The following WWOX variants were observed in gnomAD, a reference collection of about 807,000 sequenced individuals.
WWOX encodes the protein WW domain containing oxidoreductase, also known as WW domain-containing oxidoreductase.
A neutral mutation model predicts 46.2 loss-of-function variants in WWOX; 69 were observed. The observed-to-expected ratio is 1.49, with a 90% CI of 1.23 to 1.82. WWOX has a LOEUF of 1.82. Among genes scored for constraint, WWOX ranks in the 40% most tolerant of loss-of-function variants. WWOX has a pLI of 0.00. For synonymous variants in WWOX, 359 were observed against 202.6 expected (o/e 1.77, Z -6.56); for missense variants, 919 against 542.6 (o/e 1.69, Z -6.89).
chr16:79,020,516 A>G (rs1359493061), intron 8 of WWOX, among the ~76,000 whole-genome samples: 3 of 152,226 alleles, frequency 2.0e-5, no homozygotes, highest in African/African-American at 7.2e-5. Context: ...TAATCCAACC[A>G]CAGTATGAAA....
intron 5 of WWOX, among the ~76,000 whole-genome samples, chr16:78,371,708 T>A (rs1031053571): frequency 6.6e-6 from 1 of 152,196 alleles, no homozygotes; most frequent in African/African-American, 2.4e-5. Flanking sequence ...TTTTTTATTT[T>A]TATTTTGCCT....
At chr16:78,144,464 C>CGTATATATATATAT (rs1567596338) in intron 4 of WWOX, among the ~76,000 whole-genome samples, 14 of 17,966 alleles carry the variant, frequency 7.8e-4, no homozygotes, top group African/African-American at 2.1e-3. Flanking sequence ...TATATATATA[C>CGTATATATATATAT]ACACATATAT....
chr16:78,533,650 T>C (rs1225430500), intron 8 of WWOX, among the ~76,000 whole-genome samples: 1 of 152,144 alleles, frequency 6.6e-6, no homozygotes, highest in East Asian at 1.9e-4. Context: ...TGTGATTATT[T>C]TGCTCTTTGA....
chr16:79,043,124 A>T (rs923656911), intron 8 of WWOX, among the ~76,000 whole-genome samples: 1 of 152,086 alleles, frequency 6.6e-6, no homozygotes, highest in Non-Finnish European at 1.5e-5. Context: ...GGCAGGTGAG[A>T]GGTGCTGACT....
In WWOX at chr16:79,129,802, A is replaced by G. The variant is rs369825181; in HGVS notation, c.1057-81806A>G. On this transcript the variant is annotated intron_variant, in intron 8 of 8. Coordinates refer to ENST00000566780, the MANE Select transcript of WWOX (RefSeq NM_016373.4). ...AAAGACAGTCACAGTCCATCCCTCA[A>G]AGAGCTCATGGACCAGTCGAAGGAG... Among the ~76,000 whole-genome samples, 10 of 152,258 alleles carry G rather than the reference A, an allele frequency of 6.6e-5. No homozygotes were observed. In the East Asian group the frequency reaches 1.2e-3, roughly 18 times the overall value.
intron 5 of WWOX, among the ~76,000 whole-genome samples, chr16:78,337,710 C>T (rs576550596): frequency 4.0e-5 from 6 of 151,100 alleles, no homozygotes; most frequent in Admixed American, 3.3e-4. Flanking sequence ...AGAATTTAGG[C>T]GCTTTAGGCT....
At chr16:79,148,216 G>A (rs2050215158) in intron 8 of WWOX, among the ~76,000 whole-genome samples, 1 of 152,012 alleles carries the variant, frequency 6.6e-6, no homozygotes, top group Non-Finnish European at 1.5e-5. Flanking sequence ...CATTTTGCAT[G>A]TATGCCCATG....
chr16:78,454,649 G>A (rs1343360529), intron 8 of WWOX, among the ~76,000 whole-genome samples: 1 of 151,700 alleles, frequency 6.6e-6, no homozygotes, highest in African/African-American at 2.4e-5. Context: ...GGGATTACAG[G>A]CATGCGCCAC....
At chr16:78,165,594 T>C (rs1352163638) in intron 5 of WWOX, among the ~76,000 whole-genome samples, 1 of 151,210 alleles carries the variant, frequency 6.6e-6, no homozygotes, top group Non-Finnish European at 1.5e-5. Flanking sequence ...GAGGAGGAGA[T>C]AGAGCAGCGT....
intron 8 of WWOX, among the ~76,000 whole-genome samples, chr16:78,447,508 C>G (rs909262184): frequency 2.6e-5 from 4 of 152,188 alleles, no homozygotes; most frequent in Admixed American, 6.5e-5. Flanking sequence ...CTGTATTTAT[C>G]AGAGGTGAAA....
chr16:78,887,608 C>G (rs2044495242), intron 8 of WWOX, among the ~76,000 whole-genome samples: 1 of 151,934 alleles, frequency 6.6e-6, no homozygotes, highest in Non-Finnish European at 1.5e-5. Flanking sequence ...ATGCCAAAAT[C>G]CATCAGCCAA....
chr16:78,755,019 G>T (rs1282487194), intron 8 of WWOX, among the ~76,000 whole-genome samples: 6 of 151,166 alleles, frequency 4.0e-5, no homozygotes, highest in Non-Finnish European at 5.9e-5. Flanking sequence ...ACAACGGGAG[G>T]GGGGAACATC....
intron 8 of WWOX, among the ~76,000 whole-genome samples, chr16:78,578,277 TA>T (rs1293459435): frequency 8.8e-4 from 40 of 45,546 alleles, no homozygotes; most frequent in East Asian, 6.1e-3. Context: ...TATATATATA[TA>T]TATATATTTT....
chr16:78,710,884 T>C (rs1289888862), intron 8 of WWOX, among the ~76,000 whole-genome samples: 1 of 152,144 alleles, frequency 6.6e-6, no homozygotes, highest in African/African-American at 2.4e-5. Flanking sequence ...CCCAAAGTGC[T>C]GGGATTACAG....
chr16:78,429,102 A>G (rs1237638245), intron 7 of WWOX, among the ~76,000 whole-genome samples: 1 of 152,198 alleles, frequency 6.6e-6, no homozygotes, highest in Non-Finnish European at 1.5e-5. Context: ...ACTATGTGTC[A>G]GGCACTGTAG....
At chr16:78,776,605 C>G (rs920736720) in intron 8 of WWOX, among the ~76,000 whole-genome samples, 2 of 152,130 alleles carry the variant, frequency 1.3e-5, no homozygotes, top group African/African-American at 4.8e-5. Context: ...GGATGTTTAG[C>G]TCACTTTATT....
intron 5 of WWOX, among the ~76,000 whole-genome samples, chr16:78,329,842 G>T (rs931512996): frequency 3.3e-5 from 5 of 151,524 alleles, no homozygotes; most frequent in East Asian, 1.9e-4. Flanking sequence ...AAACTCTTTG[G>T]CTCCAGTGAT....
intron 8 of WWOX, among the ~76,000 whole-genome samples, chr16:79,151,970 A>G (rs915294194): frequency 1.3e-5 from 2 of 152,192 alleles, no homozygotes; most frequent in African/African-American, 2.4e-5. Flanking sequence ...TTAAAAGGCA[A>G]CAGAAAGGTC....
At chr16:78,237,261 C>T (rs2037473118) in intron 5 of WWOX, 1 of 152,064 alleles carries the variant, frequency 6.6e-6, no homozygotes, top group South Asian at 2.1e-4. Flanking sequence ...TGTATCCTGC[C>T]TGCTATACCA....
Sources: allele counts gnomAD v4.1 joint callset (sites outside exome capture counted in the v4.1 genomes callset), GRCh38; gene constraint gnomAD v4.1.1; transcripts MANE v1.5; gene names NCBI Gene and HGNC (gene_info 2026-07-23, HGNC 2026-07-21).